PTPRN2: variants seen among roughly 807,000 people sequenced by gnomAD.
PTPRN2 encodes receptor-type tyrosine-protein phosphatase N2.
Under a neutral mutation model 118.8 loss-of-function variants are expected in PTPRN2, and 74 were observed. The ratio of observed to expected loss-of-function variants is 0.62; its 90% CI spans 0.52 to 0.76. The LOEUF (loss-of-function observed/expected upper bound fraction) is 0.76. Ranked by LOEUF, PTPRN2 falls within the 30% of genes least tolerant of loss-of-function variation. The pLI is 0.00. For missense variants in PTPRN2, 1,481 were observed against 1,394.4 expected (o/e 1.06, Z -0.99); for synonymous variants, 641 against 608.0 (o/e 1.05, Z -0.80).
At chr7:157,853,435 T>C (rs907300697) in intron 12 of PTPRN2, among the ~76,000 whole-genome samples, 1 of 152,174 alleles carries the variant, frequency 6.6e-6, no homozygotes, top group Admixed American at 6.5e-5. Context: ...TGTTTGCCTC[T>C]GTCTGGCCCT....
At position 158,407,172 on chromosome 7, in the gene PTPRN2, CGTCCT is replaced by C. The variant is rs1563254312; in HGVS notation, c.163+82558_163+82562del. 1.7e-3 allele frequency among the ~76,000 whole-genome samples: 75 copies of C among 45,232 alleles called. 7 individuals are homozygous for C. The highest frequency in any genetic ancestry group is 0.017 in the Middle Eastern group (1 of 58). The allele number at this position is 45,232 out of a possible 152,430, so 29.7% of individuals were successfully genotyped here. A position where few individuals can be genotyped will look rare whatever the true frequency, so the allele number is the denominator to read the frequency against. ...CCTGGGTCCTGGGTCCTGGGTCCTG[CGTCCT>C]GCGTCCTGGGTCCTGGGTCCTGGGT... On this transcript the variant is annotated intron_variant, in intron 2 of 22. Transcript: ENST00000389418.
intron 11 of PTPRN2, among the ~76,000 whole-genome samples, chr7:157,902,851 C>CTTCCAAGTCAGTGAAACAGGCATCGTGGT (rs1797550661): frequency 6.6e-6 from 1 of 152,182 alleles, no homozygotes; most frequent in Non-Finnish European, 1.5e-5. Context: ...TGAGAAATGG[C>CTTCCAAGTCAGTGAAACAGGCATCGTGGT]TTCCAAGTCA....
At chr7:158,295,135 G>T (rs1347887420) in intron 3 of PTPRN2, among the ~76,000 whole-genome samples, 3 of 138,144 alleles carry the variant, frequency 2.2e-5, no homozygotes, top group Non-Finnish European at 3.0e-5. Flanking sequence ...AGAGCCCATG[G>T]CACCCGCTGA....
intron 11 of PTPRN2, among the ~76,000 whole-genome samples, chr7:157,949,017 T>A (rs1313375302): frequency 1.3e-5 from 2 of 152,186 alleles, no homozygotes. Flanking sequence ...TGAGTATGCG[T>A]GAATTTTGGT....
At chr7:158,314,488 C>T (rs997599436) in intron 3 of PTPRN2, among the ~76,000 whole-genome samples, 7 of 152,388 alleles carry the variant, frequency 4.6e-5, no homozygotes, top group Non-Finnish European at 7.3e-5. Context: ...CCCATATCTA[C>T]GTGCCCTGCC....
intron 12 of PTPRN2, among the ~76,000 whole-genome samples, chr7:157,782,549 T>C (rs1429469150): frequency 6.6e-6 from 1 of 152,232 alleles, no homozygotes; most frequent in Admixed American, 6.5e-5. Context: ...TTATGTTGTC[T>C]ATAATCTTAA....
intron 2 of PTPRN2, among the ~76,000 whole-genome samples, chr7:158,478,376 A>G (rs78448925): frequency 6.6e-6 from 1 of 152,172 alleles, no homozygotes; most frequent in Non-Finnish European, 1.5e-5. Flanking sequence ...TTCTCCTGGC[A>G]TTCGGTGCTG....
chr7:158,265,251 C>A (rs1232130970), intron 3 of PTPRN2, among the ~76,000 whole-genome samples: 1 of 152,174 alleles, frequency 6.6e-6, no homozygotes, highest in Non-Finnish European at 1.5e-5. Flanking sequence ...TGGAAACACC[C>A]CCATGTGGCT....
chr7:158,294,391 T>C (rs1800321478), intron 3 of PTPRN2, among the ~76,000 whole-genome samples: 1 of 152,244 alleles, frequency 6.6e-6, no homozygotes, highest in Non-Finnish European at 1.5e-5. Flanking sequence ...TGAGAGTTTG[T>C]TGTTTTCATG....
At chr7:158,452,399 C>T (rs1818146273) in intron 2 of PTPRN2, among the ~76,000 whole-genome samples, 2 of 152,226 alleles carry the variant, frequency 1.3e-5, no homozygotes, top group East Asian at 1.9e-4. Flanking sequence ...CCCTGCCCAG[C>T]GGGTCCTCCC....
intron 11 of PTPRN2, among the ~76,000 whole-genome samples, chr7:158,049,516 C>T (rs1375930780): frequency 6.6e-6 from 1 of 152,218 alleles, no homozygotes; most frequent in East Asian, 1.9e-4. Context: ...CTCAGCTGAT[C>T]CTTGAGCTGA....
chr7:158,243,802 CTAAG>C (rs1796031567), intron 3 of PTPRN2, among the ~76,000 whole-genome samples: 1 of 151,974 alleles, frequency 6.6e-6, no homozygotes, highest in Non-Finnish European at 1.5e-5. Context: ...TATATATCTC[CTAAG>C]TATCAGTGTC....
Position 158,175,875 on chromosome 7 carries a change from A to T in PTPRN2, c.550-8584T>A, listed in dbSNP as rs76248998. ...TGATGCATTCTGAGAGTCTGGAATT[A>T]TCTGAAGACTCGTGACACCATGAGG... is the stretch of plus-strand genomic sequence containing the variant. On this transcript the variant is annotated intron_variant, in intron 5 of 22. Transcript: ENST00000389418. Among the ~76,000 whole-genome samples, 1,288 of 152,248 alleles carry T rather than the reference A, an allele frequency of 8.5e-3. 16 individuals carry two copies. Among genetic ancestry groups the T allele is most frequent in the East Asian group, 0.06 (310 of 5,170 alleles).
At position 158,570,185 on chromosome 7, in the gene PTPRN2, C is replaced by A. The variant is rs1169679698; in HGVS notation, c.112+17373G>T. Among the ~76,000 whole-genome samples the A allele has an allele frequency of 5.3e-5, 8 of 152,146 alleles. No homozygotes were observed. The highest frequency in any genetic ancestry group is 1.7e-4 in the African/African-American group (7 of 41,426). ...CCGACCTGGGCAGCCAGGCGGGGAG[C>A]GCGCAGCCACAGCCCGCGTTTCCGG... On this transcript the variant is annotated intron_variant, in intron 1 of 22. Coordinates refer to ENST00000389418, the MANE Select transcript of PTPRN2 (RefSeq NM_002847.5). The surrounding 1 kb of genome is among the most constrained non-coding windows in gnomAD (Gnocchi z 4.5).
chr7:157,595,209 AAGAG>A (rs1442581660), intron 17 of PTPRN2, 25 bp downstream of exon 17: 24 of 1,605,740 alleles, frequency 1.5e-5, no homozygotes, highest in Non-Finnish European at 1.9e-5. Flanking sequence ...TCTTTTCAGA[AAGAG>A]AGATTTTAAT....
At chr7:157,695,063 A>C (rs1797698374) in intron 12 of PTPRN2, among the ~76,000 whole-genome samples, 2 of 152,166 alleles carry the variant, frequency 1.3e-5, no homozygotes, top group African/African-American at 4.8e-5. Flanking sequence ...TACTTCTTTT[A>C]AAGTGCATTT....
intron 12 of PTPRN2, among the ~76,000 whole-genome samples, chr7:157,734,319 G>T (rs1371769383): frequency 1.4e-5 from 2 of 147,564 alleles, no homozygotes; most frequent in Non-Finnish European, 3.0e-5. Context: ...TCCGTCCCAT[G>T]CACCCAGCGC....
At chr7:157,765,590 A>C (rs1802410148) in intron 12 of PTPRN2, among the ~76,000 whole-genome samples, 2 of 94,456 alleles carry the variant, frequency 2.1e-5, no homozygotes, top group East Asian at 3.2e-4. Flanking sequence ...TCCATCCATC[A>C]TTGCTCCATC....
intron 12 of PTPRN2, among the ~76,000 whole-genome samples, chr7:157,732,168 T>G (rs190847746): frequency 2.5e-5 from 1 of 39,220 alleles, no homozygotes. Context: ...TCCCGTCCCA[T>G]GCGCCCAGCA....
Sources: allele counts gnomAD v4.1 joint callset (sites outside exome capture counted in the v4.1 genomes callset), GRCh38; gene constraint gnomAD v4.1.1; non-coding constraint Gnocchi (gnomAD v3.1); transcripts MANE v1.5; gene names NCBI Gene and HGNC (gene_info 2026-07-23, HGNC 2026-07-21).